SOX6: variants seen among roughly 807,000 people sequenced by gnomAD.
The protein encoded by SOX6 is transcription factor SOX-6.
A neutral mutation model predicts 97.8 loss-of-function variants in SOX6; 11 were observed. That is an observed-to-expected ratio of 0.11 (90% CI 0.07 to 0.19). SOX6 has a LOEUF of 0.19. Ranked by LOEUF, SOX6 falls within the 10% of genes least tolerant of loss-of-function variation. SOX6 has a pLI of 1.00. For missense variants in SOX6, 810 were observed against 1,039.5 expected, an observed-to-expected ratio of 0.78 and a Z score of 3.04; for synonymous variants, 360 against 371.4, an observed-to-expected ratio of 0.97 and a Z score of 0.35.
At chr11:16,549,124 AAAAC>A (rs1847651172) in intron 4 of SOX6, among the ~76,000 whole-genome samples, 1 of 152,198 alleles carries the variant, frequency 6.6e-6, no homozygotes, top group Admixed American at 6.6e-5. Context: ...AAGCACATTT[AAAAC>A]TTAATGAGAT....
At chr11:16,415,382 T>C (rs763195376) in intron 1 of SOX6, among the ~76,000 whole-genome samples, 2 of 149,816 alleles carry the variant, frequency 1.3e-5, no homozygotes, top group Non-Finnish European at 3.0e-5. Context: ...TACTAGAGGA[T>C]AGGAAAGGTA....
At chr11:16,039,757 TTTG>T in intron 12 of SOX6, among the ~76,000 whole-genome samples, 1 of 152,078 alleles carries the variant, frequency 6.6e-6, no homozygotes. Flanking sequence ...ACCTAATTGA[TTTG>T]TTATTGTTAT....
chr11:16,234,228 T>C lies in SOX6; in HGVS notation c.535+354A>G, dbSNP rs2134175335. 2.0e-5 allele frequency among the ~76,000 whole-genome samples: 3 copies of C among 152,176 alleles called. No individual in the cohort carries two copies. In the Middle Eastern group the frequency reaches 0.01, roughly 518 times the overall value. On this transcript the variant is annotated intron_variant, in intron 4 of 15. Transcript: ENST00000683767. ...TAGAAGAAATTCAAAATAATTTGGA[T>C]TCATAAATTAAGCTATTATTATAAT...
At chr11:16,178,002 C>T (rs1276295716) in intron 6 of SOX6, among the ~76,000 whole-genome samples, 52 of 151,874 alleles carry the variant, frequency 3.4e-4, no homozygotes, top group Admixed American at 3.3e-3. Context: ...TGTGTAGAGA[C>T]TGAAGTAACT....
intron 1 of SOX6, among the ~76,000 whole-genome samples, chr11:16,369,866 C>T (rs1402235590): frequency 6.6e-6 from 1 of 152,122 alleles, no homozygotes; most frequent in African/African-American, 2.4e-5. Context: ...TAGTAAGAAA[C>T]TAGAAGGTGG....
At chr11:16,102,343 A>G (rs1169255158) in intron 7 of SOX6, among the ~76,000 whole-genome samples, 1 of 151,868 alleles carries the variant, frequency 6.6e-6, no homozygotes, top group Admixed American at 6.6e-5. Flanking sequence ...GACCTCTACA[A>G]GAAAACTACA....
intron 9 of SOX6, among the ~76,000 whole-genome samples, chr11:16,082,474 A>G (rs1294640607): frequency 6.6e-6 from 1 of 152,222 alleles, no homozygotes; most frequent in Admixed American, 6.5e-5. Flanking sequence ...CCATTCACTG[A>G]GAAGCAATGT....
chr11:16,209,193 A>C (rs1741090964), intron 4 of SOX6, among the ~76,000 whole-genome samples: 1 of 152,230 alleles, frequency 6.6e-6, no homozygotes, highest in African/African-American at 2.4e-5. Context: ...TTGTTATTTT[A>C]AACAAATTAG....
intron 1 of SOX6, among the ~76,000 whole-genome samples, chr11:16,392,160 T>G (rs962608442): frequency 6.6e-6 from 1 of 152,144 alleles, no homozygotes; most frequent in Non-Finnish European, 1.5e-5. Context: ...CATGTTTCTA[T>G]GTAATGGTAT....
intron 1 of SOX6, among the ~76,000 whole-genome samples, chr11:16,372,900 G>C (rs1307451557): frequency 6.6e-6 from 1 of 152,044 alleles, no homozygotes. Context: ...CCCATCACTA[G>C]GAAGATTTCA....
intron 6 of SOX6, among the ~76,000 whole-genome samples, chr11:16,130,449 T>C (rs1222845618): frequency 6.6e-6 from 1 of 151,948 alleles, no homozygotes; most frequent in African/African-American, 2.4e-5. Context: ...TAGCATATCA[T>C]ACACCATAAA....
chr11:16,429,204 G>A (rs925121225), intron 1 of SOX6, among the ~76,000 whole-genome samples: 9 of 152,224 alleles, frequency 5.9e-5, no homozygotes, highest in Non-Finnish European at 1.0e-4. Flanking sequence ...TGGAGAAAAC[G>A]GAATGCTTAT....
intron 13 of SOX6, among the ~76,000 whole-genome samples, chr11:16,003,293 T>C (rs1001606800): frequency 6.6e-6 from 1 of 152,002 alleles, no homozygotes; most frequent in Non-Finnish European, 1.5e-5. Context: ...ACTAGGGATC[T>C]GAGTTTTCTC....
At position 16,522,739 on chromosome 11, in the gene SOX6, C is replaced by A. The variant is rs193202482; in HGVS notation, n.610-46351G>T. ...GTGTGCTGTATTCAGGAAACCCATC[C>A]CACGTGCGGAGACACACATAGGCTC... On this transcript the variant is annotated intron_variant and non_coding_transcript_variant, in intron 4 of 5. Transcript: ENST00000524520. 3.1e-3 allele frequency among the ~76,000 whole-genome samples: 476 copies of A among 152,064 alleles called. 4 individuals carry two copies. Among genetic ancestry groups the A allele is most frequent in the African/African-American group, 0.011 (449 of 41,482 alleles).
At chr11:16,236,172 T>C (rs1853014071) in intron 3 of SOX6, among the ~76,000 whole-genome samples, 1 of 152,032 alleles carries the variant, frequency 6.6e-6, no homozygotes, top group Non-Finnish European at 1.5e-5. Context: ...GATCTACTAC[T>C]GTGCTTCAAA....
rs755106323 is a variant in SOX6, at chr11:16,564,964, G to A, written n.609+47117C>T. The stretch of plus-strand genomic sequence containing the variant: ...CAGAAGGAAGAAAATGATAAAGAGC[G>A]GAAACCAATAAAATTGAAAACAGGA... On this transcript the variant is annotated intron_variant and non_coding_transcript_variant, in intron 4 of 5. Coordinates refer to the SOX6 transcript ENST00000524520. 4.6e-5 allele frequency among the ~76,000 whole-genome samples: 7 copies of A among 151,164 alleles called. 1 individual carries two copies. Among genetic ancestry groups the A allele is most frequent in the Admixed American group, 1.3e-4 (2 of 15,162 alleles).
chr11:16,042,228 T>C (rs891534213), intron 12 of SOX6, among the ~76,000 whole-genome samples: 1 of 152,162 alleles, frequency 6.6e-6, no homozygotes, highest in Non-Finnish European at 1.5e-5. Flanking sequence ...TTCTTTGTAA[T>C]CTACATGTAG....
intron 4 of SOX6, among the ~76,000 whole-genome samples, chr11:16,231,763 T>G (rs981763165): frequency 2.0e-5 from 3 of 151,750 alleles, no homozygotes; most frequent in African/African-American, 7.2e-5. Context: ...CCCAGTTACA[T>G]TATGAAAACC....
intron 3 of SOX6, among the ~76,000 whole-genome samples, chr11:16,632,614 C>T (rs1157694383): frequency 6.6e-6 from 1 of 152,150 alleles, no homozygotes; most frequent in Non-Finnish European, 1.5e-5. Flanking sequence ...CTAAAGGTCC[C>T]CGGAGGGCAG....
Sources: allele counts gnomAD v4.1 joint callset (sites outside exome capture counted in the v4.1 genomes callset), GRCh38; gene constraint gnomAD v4.1.1; transcripts MANE v1.5; gene names NCBI Gene and HGNC (gene_info 2026-07-23, HGNC 2026-07-21).